Variants in M1AP observed in about 807,000 individuals in gnomAD.
M1AP encodes the protein meiosis 1 associated protein, also known as meiosis 1 arrest protein.
A neutral mutation model predicts 51.2 loss-of-function variants in M1AP; 39 were observed. The observed-to-expected ratio is 0.76, with a 90% CI of 0.59 to 1.00. The LOEUF is 1.00. Among genes scored for constraint, M1AP ranks in the 50% least tolerant of loss-of-function variants. The pLI, the probability that M1AP is intolerant of heterozygous loss-of-function variation, is 0.00. For synonymous variants in M1AP, 251 were observed against 249.2 expected, an observed-to-expected ratio of 1.01 and a Z score of -0.07; for missense variants, 545 against 641.2, an observed-to-expected ratio of 0.85 and a Z score of 1.62.
At chr2:74,623,626 G>A (rs1333901354) in intron 2 of M1AP, among the ~76,000 whole-genome samples, 3 of 152,118 alleles carry the variant, frequency 2.0e-5, no homozygotes, top group Non-Finnish European at 4.4e-5. Context: ...CAAATCTAAT[G>A]TGCAGCTAAG....
intron 2 of M1AP, among the ~76,000 whole-genome samples, chr2:74,637,658 A>T (rs542629484): frequency 6.6e-6 from 1 of 152,200 alleles, no homozygotes; most frequent in Non-Finnish European, 1.5e-5. Flanking sequence ...GGGCTATTTT[A>T]TGCCCTACTA....
At chr2:74,605,526 G>T (rs181305213) in intron 4 of M1AP, among the ~76,000 whole-genome samples, 2 of 152,152 alleles carry the variant, frequency 1.3e-5, no homozygotes, top group East Asian at 3.8e-4. Flanking sequence ...ATGTACAGTA[G>T]TACAGTATTG....
intron 5 of M1AP, 110 bp from the exon 6 acceptor site, chr2:74,576,728 C>T: frequency 1.5e-6 from 2 of 1,326,922 alleles, no homozygotes; most frequent in South Asian, 2.7e-5. Flanking sequence ...CTACCCATTC[C>T]ATCTCTACCA....
Position 74,576,462 on chromosome 2 carries a change from ACTTGGAG to A in M1AP, c.919_925del (p.Leu307Ter). 1 of 1,613,622 alleles carries A rather than the reference ACTTGGAG, an allele frequency of 6.2e-7. No individual in the cohort carries two copies. Among genetic ancestry groups the A allele is most frequent in the Non-Finnish European group, 8.5e-7 (1 of 1,179,934 alleles). The stretch of plus-strand genomic sequence containing the variant: ...AGGTTCCCTTGGACCATACTTGATC[ACTTGGAG>A]CTTGTAATGAGAGGCCGATGACTGG... On this transcript the variant is annotated frameshift_variant, in exon 6 of 11. Transcript: ENST00000421985. LOFTEE classifies it high-confidence loss of function.
At chr2:74,565,250 C>T (rs1032216271) in intron 7 of M1AP, among the ~76,000 whole-genome samples, 3 of 151,948 alleles carry the variant, frequency 2.0e-5, no homozygotes, top group Non-Finnish European at 4.4e-5. Flanking sequence ...TTATTGAGCG[C>T]CTATTATGTT....
rs755884874 is a variant in M1AP at position 74,587,192 on chromosome 2, CT to C, written c.596-5346del. On this transcript the variant is annotated intron_variant, in intron 4 of 10. Coordinates refer to ENST00000421985, the MANE Select transcript of M1AP (RefSeq NM_001321739.2). The stretch of plus-strand genomic sequence containing the variant: ...TCTTTTAGGATAATAATATATTTTC[CT>C]TTTTTTTTTTTCTTTTTTCTTTTGA... Among the ~76,000 whole-genome samples, 609 of 145,130 alleles carry C rather than the reference CT, an allele frequency of 4.2e-3. 6 individuals carry two copies. The highest frequency in any genetic ancestry group is 0.012 in the African/African-American group (471 of 39,794).
intron 7 of M1AP, among the ~76,000 whole-genome samples, chr2:74,563,658 G>A (rs948766579): frequency 3.3e-5 from 5 of 151,690 alleles, no homozygotes; most frequent in African/African-American, 1.2e-4. Flanking sequence ...AGAGGTGGGT[G>A]GGTGCAGGGC....
At chr2:74,611,884 T>TG (rs1681372519) in intron 3 of M1AP, among the ~76,000 whole-genome samples, 3 of 61,666 alleles carry the variant, frequency 4.9e-5, no homozygotes, top group African/African-American at 1.8e-4. Context: ...AAAAAAGTGT[T>TG]TTTTTTTTTT....
At chr2:74,607,686 G>C (rs983486042) in intron 3 of M1AP, among the ~76,000 whole-genome samples, 1 of 152,168 alleles carries the variant, frequency 6.6e-6, no homozygotes, top group Admixed American at 6.6e-5. Context: ...ATGTTGGTCA[G>C]GCTGGTCTCG....
At chr2:74,584,573 C>T (rs1056984886) in intron 4 of M1AP, among the ~76,000 whole-genome samples, 6 of 151,366 alleles carry the variant, frequency 4.0e-5, no homozygotes, top group Non-Finnish European at 8.8e-5. Context: ...TTCTTTTCTT[C>T]TCCCCAGGGA....
chr2:74,580,532 G>A (rs1196602583), intron 5 of M1AP, among the ~76,000 whole-genome samples: 1 of 152,184 alleles, frequency 6.6e-6, no homozygotes, highest in Non-Finnish European at 1.5e-5. Flanking sequence ...TCCCTAGACA[G>A]AAAGGGTCTT....
chr2:74,572,890 T>C (rs1255424898), intron 7 of M1AP, among the ~76,000 whole-genome samples: 1 of 152,210 alleles, frequency 6.6e-6, no homozygotes. Context: ...TCTTCATCTC[T>C]ACAACAGTGC....
rs576663671 is a variant in M1AP at position 74,613,017 on chromosome 2, A to G, written c.426+1947T>C. 5.3e-5 allele frequency among the ~76,000 whole-genome samples: 8 copies of G among 151,030 alleles called. No homozygotes were observed. In the South Asian group the frequency reaches 1.0e-3, roughly 20 times the overall value. On this transcript the variant is annotated intron_variant, in intron 3 of 10. Transcript: ENST00000421985. ...TGCTTTTTCAGATTTGAACATTTCT[A>G]TTGATACATCCTCAAACTCAAAGAT...
chr2:74,642,746 T>A (rs17010125), intron 1 of M1AP, among the ~76,000 whole-genome samples: 1 of 152,224 alleles, frequency 6.6e-6, no homozygotes, highest in African/African-American at 2.4e-5. Flanking sequence ...TTGTCTTTTG[T>A]CAAATTTTAG....
chr2:74,577,563 T>C (rs1241303130), intron 5 of M1AP, among the ~76,000 whole-genome samples: 2 of 152,076 alleles, frequency 1.3e-5, no homozygotes, highest in East Asian at 1.9e-4. Flanking sequence ...AAAAACAACA[T>C]AGAAAAAAAT....
At chr2:74,580,020 C>T (rs1461124382) in intron 5 of M1AP, among the ~76,000 whole-genome samples, 2 of 152,100 alleles carry the variant, frequency 1.3e-5, no homozygotes, top group East Asian at 3.8e-4. Flanking sequence ...GTTACACAGG[C>T]TGTCATTAAT....
At chr2:74,565,397 T>C (rs370735343) in intron 7 of M1AP, among the ~76,000 whole-genome samples, 156 of 152,292 alleles carry the variant, frequency 1.0e-3, no homozygotes, top group African/African-American at 3.4e-3. Context: ...TTTAGCAACA[T>C]ATAAAATGAA....
chr2:74,646,073 G>T (rs1683595060), intron 1 of M1AP, among the ~76,000 whole-genome samples: 1 of 152,144 alleles, frequency 6.6e-6, no homozygotes, highest in Non-Finnish European at 1.5e-5. Context: ...ATAGCGTACT[G>T]ATATAATATA....
At chr2:74,575,209 G>T in intron 7 of M1AP, 1 of 806,380 alleles carries the variant, frequency 1.2e-6, no homozygotes. Context: ...TGCCAATCGG[G>T]GATTTTCAAG....
Sources: gnomAD v4.1 joint callset for allele counts (sites outside exome capture counted in the v4.1 genomes callset) on GRCh38, gnomAD v4.1.1 for gene constraint, MANE v1.5 for transcripts, NCBI Gene and HGNC (gene_info 2026-07-23, HGNC 2026-07-21) for gene names.